The following BRINP1 variants were observed in gnomAD, a reference collection of about 807,000 sequenced individuals.
BRINP1 encodes the protein BMP/retinoic acid-inducible neural-specific protein 1.
In BRINP1, 17 loss-of-function variants were observed where a neutral mutation model predicts 72.9. The ratio of observed to expected loss-of-function variants is 0.23; its 90% CI spans 0.16 to 0.35. The LOEUF is 0.35. BRINP1 is among the 10% of genes least tolerant of loss of function. BRINP1 has a pLI of 1.00. For missense variants in BRINP1, 850 were observed against 1,001.6 expected (o/e 0.85, Z 2.04); for synonymous variants, 418 against 378.5 (o/e 1.10, Z -1.21).
chr9:119,363,257 T>G (rs1437301774), intron 1 of BRINP1, among the ~76,000 whole-genome samples: 1 of 152,080 alleles, frequency 6.6e-6, no homozygotes, highest in Non-Finnish European at 1.5e-5. Flanking sequence ...TGCCCAGCTG[T>G]TTTTTTAAAG....
intron 1 of BRINP1, among the ~76,000 whole-genome samples, chr9:119,348,651 C>G (rs953334328): frequency 6.6e-6 from 1 of 152,140 alleles, no homozygotes; most frequent in Admixed American, 6.6e-5. Flanking sequence ...ATATTCACTT[C>G]AAGGTCATTC....
chr9:119,249,166 G>A lies in BRINP1; in HGVS notation c.219-16C>T, dbSNP rs374347216. On this transcript the variant is annotated splice_polypyrimidine_tract_variant and intron_variant, in intron 2 of 7. Transcript: ENST00000265922. ...GGCAAACTCCCTGGGCAGGAGAAAT[G>A]AGCAACACTTCTCAACTTACCACCA... 2 of 1,608,540 alleles carry A rather than the reference G, an allele frequency of 1.2e-6. No homozygotes were observed. The highest frequency in any genetic ancestry group is 1.3e-5 in the African/African-American group (1 of 74,844).
intron 2 of BRINP1, among the ~76,000 whole-genome samples, chr9:119,283,670 T>A (rs1042633635): frequency 6.6e-6 from 1 of 152,160 alleles, no homozygotes; most frequent in Non-Finnish European, 1.5e-5. Flanking sequence ...GTAGCTGGGA[T>A]TACAGGCGTG....
intron 7 of BRINP1, among the ~76,000 whole-genome samples, chr9:119,178,362 A>G (rs939844609): frequency 6.6e-6 from 1 of 152,168 alleles, no homozygotes; most frequent in Non-Finnish European, 1.5e-5. Context: ...AGGTCAACAA[A>G]CTTTCTTTTG....
At chr9:119,264,356 G>C (rs944630436) in intron 2 of BRINP1, among the ~76,000 whole-genome samples, 1 of 152,198 alleles carries the variant, frequency 6.6e-6, no homozygotes, top group African/African-American at 2.4e-5. Context: ...ATTCTACCTT[G>C]ACAACCTTAC....
chr9:119,349,184 T>A (rs1239017940), intron 1 of BRINP1, among the ~76,000 whole-genome samples: 1 of 152,110 alleles, frequency 6.6e-6, no homozygotes, highest in East Asian at 1.9e-4. Flanking sequence ...CAGGCAAAAA[T>A]TAAGAACAAA....
In BRINP1 at chr9:119,333,829, TTGCATCTTTTGGA is replaced by T. The variant is rs1831324208; in HGVS notation, c.-50-20437_-50-20425del. 3.3e-5 allele frequency among the ~76,000 whole-genome samples: 5 copies of T among 152,172 alleles called. No individual in the cohort carries two copies. The South Asian group carries it at 1.0e-3, about 32-fold the overall frequency. The stretch of plus-strand genomic sequence containing the variant: ...CCTAAGGAAAGAAAAAAAATATATA[TTGCATCTTTTGGA>T]TGAAAGGGCCCTTAATCTTCAAAAC... On this transcript the variant is annotated intron_variant, in intron 1 of 7. Transcript: ENST00000265922.
intron 1 of BRINP1, among the ~76,000 whole-genome samples, chr9:119,366,561 T>C (rs1236320987): frequency 7.8e-6 from 1 of 127,706 alleles, no homozygotes; most frequent in Admixed American, 8.4e-5. Context: ...TGTGTGTGTG[T>C]CTTTCGGGAA....
intron 2 of BRINP1, among the ~76,000 whole-genome samples, chr9:119,263,694 G>A (rs544437404): frequency 8.2e-5 from 10 of 122,398 alleles, no homozygotes; most frequent in Non-Finnish European, 1.4e-4. Flanking sequence ...TGCAAACTCC[G>A]CCTCCTGGGT....
At chr9:119,315,274 G>A (rs1408516) in intron 1 of BRINP1, among the ~76,000 whole-genome samples, 58,687 of 151,594 alleles carry the variant, frequency 0.39, 11,803 homozygotes, top group Non-Finnish European at 0.44. Context: ...TTCCAACAAT[G>A]TGTGCTCACT....
chr9:119,170,795 C>G (rs1829398093), intron 7 of BRINP1, among the ~76,000 whole-genome samples: 1 of 140,342 alleles, frequency 7.1e-6, no homozygotes, highest in African/African-American at 3.0e-5. Context: ...GGCAGAAACC[C>G]TACAAGCCAG....
chr9:119,341,837 C>A (rs774255946), intron 1 of BRINP1, among the ~76,000 whole-genome samples: 10 of 152,094 alleles, frequency 6.6e-5, no homozygotes, highest in South Asian at 6.2e-4. Flanking sequence ...GATCTCGGCT[C>A]ACTGCAACCT....
chr9:119,237,346 C>CATCATTATTATTATTATT (rs1554750154), intron 5 of BRINP1, among the ~76,000 whole-genome samples: 8 of 145,044 alleles, frequency 5.5e-5, no homozygotes, highest in Admixed American at 2.7e-4. Flanking sequence ...TTTCTTGCTA[C>CATCATTATTATTATTATT]ATTATTATTA....
chr9:119,201,746 T>C (rs1829807131), intron 7 of BRINP1, among the ~76,000 whole-genome samples: 1 of 152,170 alleles, frequency 6.6e-6, no homozygotes, highest in South Asian at 2.1e-4. Flanking sequence ...CAACGCACAG[T>C]TGCTTGTATC....
At chr9:119,203,427 G>A (rs75039783) in intron 7 of BRINP1, among the ~76,000 whole-genome samples, 1 of 152,196 alleles carries the variant, frequency 6.6e-6, no homozygotes, top group Non-Finnish European at 1.5e-5. Context: ...ACTAATTACT[G>A]AGTGCCAAGA....
intron 5 of BRINP1, among the ~76,000 whole-genome samples, chr9:119,237,722 C>T (rs1255566241): frequency 2.6e-5 from 4 of 151,808 alleles, no homozygotes; most frequent in African/African-American, 7.3e-5. Context: ...AGTGCAGTGG[C>T]GCAATCTCGG....
At chr9:119,301,010 G>A (rs1022834330) in intron 2 of BRINP1, among the ~76,000 whole-genome samples, 1 of 152,182 alleles carries the variant, frequency 6.6e-6, no homozygotes, top group African/African-American at 2.4e-5. Context: ...AGCTCCAAGT[G>A]TTATCATTGG....
chr9:119,216,171 A>C (rs1306669696), intron 5 of BRINP1, among the ~76,000 whole-genome samples: 2 of 152,178 alleles, frequency 1.3e-5, no homozygotes, highest in Non-Finnish European at 2.9e-5. Flanking sequence ...TGAAAGAAAA[A>C]CAGGTGTGGG....
rs755980878 is a variant in BRINP1 at position 119,167,809 on chromosome 9, GCCA to G, written c.1558_1560del (p.Trp520del). The G allele has an allele frequency of 1.2e-6, 2 of 1,613,818 alleles. No homozygotes were observed. Among genetic ancestry groups the G allele is most frequent in the Non-Finnish European group, 1.7e-6 (2 of 1,180,008 alleles). Reference sequence around the variant, plus strand: ...TTGAGAGTGAGGGACATGCGCTTGCGCCACCGAGGGTCAAAGAAGGTGTCGAGG... The same window carrying G: ...TTGAGAGTGAGGGACATGCGCTTGCGCCGAGGGTCAAAGAAGGTGTCGAGG... On this transcript the variant is annotated inframe_deletion, in exon 8 of 8. Coordinates refer to ENST00000265922, the MANE Select transcript of BRINP1 (RefSeq NM_014618.3). This position sits in a 1 kb window ranked among gnomAD's most constrained non-coding sequence, Gnocchi z 4.3.
Sources: gnomAD v4.1 joint callset for allele counts (sites outside exome capture counted in the v4.1 genomes callset) on GRCh38, gnomAD v4.1.1 for gene constraint, Gnocchi (gnomAD v3.1) non-coding constraint, MANE v1.5 for transcripts, NCBI Gene and HGNC (gene_info 2026-07-23, HGNC 2026-07-21) for gene names.